Variants in PRKG1 observed in about 807,000 individuals in gnomAD.
The protein encoded by PRKG1 is cGMP-dependent protein kinase 1.
In PRKG1, 35 loss-of-function variants were observed where a neutral mutation model predicts 88.1. The ratio of observed to expected loss-of-function variants is 0.40; its 90% CI spans 0.30 to 0.53. The LOEUF is 0.53. Among genes scored for constraint, PRKG1 ranks in the 20% least tolerant of loss-of-function variants. PRKG1 has a pLI of 0.59. For missense variants in PRKG1, 540 were observed against 839.8 expected (o/e 0.64, Z 4.41); for synonymous variants, 303 against 292.5 (o/e 1.04, Z -0.37).
intron 1 of PRKG1, among the ~76,000 whole-genome samples, chr10:51,097,310 C>T (rs1844554321): frequency 1.3e-5 from 2 of 152,124 alleles, no homozygotes; most frequent in South Asian, 2.1e-4. Context: ...GCAACTTCCG[C>T]CCCCTGGGTT....
chr10:52,124,684 CTT>C (rs1279890009), intron 7 of PRKG1, among the ~76,000 whole-genome samples: 2 of 152,018 alleles, frequency 1.3e-5, no homozygotes, highest in African/African-American at 4.8e-5. Context: ...ACTTTATAAA[CTT>C]TTTAATTTCT....
intron 3 of PRKG1, among the ~76,000 whole-genome samples, chr10:51,488,789 G>C (rs2132865260): frequency 6.6e-6 from 1 of 152,138 alleles, no homozygotes; most frequent in African/African-American, 2.4e-5. Flanking sequence ...ATCTAGACTG[G>C]CTCTCTGCGT....
At chr10:51,782,667 C>T (rs1838622439) in intron 3 of PRKG1, among the ~76,000 whole-genome samples, 1 of 152,072 alleles carries the variant, frequency 6.6e-6, no homozygotes, top group African/African-American at 2.4e-5. Context: ...TGGTTTCCCT[C>T]ATACTGTTCT....
intron 2 of PRKG1, among the ~76,000 whole-genome samples, chr10:51,326,481 A>C (rs1841596219): frequency 1.3e-5 from 2 of 152,270 alleles, no homozygotes; most frequent in South Asian, 4.1e-4. Flanking sequence ...TCAATTCTGT[A>C]GTAAATTCTT....
At chr10:51,947,330 G>C (rs1843068445) in intron 5 of PRKG1, among the ~76,000 whole-genome samples, 1 of 152,146 alleles carries the variant, frequency 6.6e-6, no homozygotes. Context: ...CGCAGTATTG[G>C]GGTGGGAGTG....
At chr10:52,146,479 T>G (rs1436701636) in intron 8 of PRKG1, among the ~76,000 whole-genome samples, 1 of 152,270 alleles carries the variant, frequency 6.6e-6, no homozygotes, top group African/African-American at 2.4e-5. Flanking sequence ...CACAGCAAAC[T>G]TGCAAGGAAT....
rs201313752 is a variant in PRKG1, at chr10:51,699,145, G to C, written c.593-105440G>C. The C allele has an allele frequency of 4.4e-5, 71 of 1,614,172 alleles. 1 individual carries two copies. The Admixed American group carries it at 9.2e-4, about 21-fold the overall frequency. ...TCAGCTCAAACATCTGCTCCGGGGG[G>C]AGACTGGCTACTGCTCTGGTAATCG... On this transcript the variant is annotated intron_variant, in intron 3 of 17. Coordinates refer to ENST00000373980, the MANE Select transcript of PRKG1 (RefSeq NM_006258.4).
chr10:51,690,197 G>C (rs923987084), intron 3 of PRKG1, among the ~76,000 whole-genome samples: 1 of 152,092 alleles, frequency 6.6e-6, no homozygotes, highest in Non-Finnish European at 1.5e-5. Flanking sequence ...TCACTAATAA[G>C]AGGACAGTAC....
intron 3 of PRKG1, among the ~76,000 whole-genome samples, chr10:51,556,958 T>G (rs1190978717): frequency 6.8e-6 from 1 of 147,962 alleles, no homozygotes; most frequent in Non-Finnish European, 1.5e-5. Flanking sequence ...TTCATGGAAT[T>G]TAAATCTGTT....
intron 5 of PRKG1, among the ~76,000 whole-genome samples, chr10:51,982,185 CT>C (rs1844026976): frequency 6.6e-6 from 1 of 152,162 alleles, no homozygotes; most frequent in Admixed American, 6.5e-5. Flanking sequence ...CTTTTCTATA[CT>C]GGCTATTTTG....
At chr10:52,291,098 T>C (rs1235794827) in intron 17 of PRKG1, among the ~76,000 whole-genome samples, 3 of 151,652 alleles carry the variant, frequency 2.0e-5, no homozygotes, top group Admixed American at 2.0e-4. Flanking sequence ...AATTTTGGTA[T>C]TTTTAGTAGA....
At chr10:51,640,412 G>T (rs1022838233) in intron 3 of PRKG1, among the ~76,000 whole-genome samples, 2 of 152,044 alleles carry the variant, frequency 1.3e-5, no homozygotes, top group South Asian at 4.2e-4. Context: ...TTTCAATTTC[G>T]ATTTTCTCCT....
rs376841696 is a variant in PRKG1 at position 51,673,103 on chromosome 10, T to C, written c.593-131482T>C. Among the ~76,000 whole-genome samples, 36 of 152,296 alleles carry C rather than the reference T, an allele frequency of 2.4e-4. 1 individual carries two copies. In the South Asian group the frequency reaches 7.2e-3, roughly 31 times the overall value. ...GGTCAGTCCATGTTTACTACTCTAG[T>C]TTTATTCATTCTTTTGTTTAATAAA... On this transcript the variant is annotated intron_variant, in intron 3 of 17. Transcript: ENST00000373980.
intron 2 of PRKG1, among the ~76,000 whole-genome samples, chr10:51,437,998 T>C (rs936071900): frequency 2.0e-5 from 3 of 151,730 alleles, no homozygotes; most frequent in Non-Finnish European, 4.4e-5. Flanking sequence ...GAAACTATGG[T>C]TCTTGAGCCA....
chr10:51,463,219 A>G (rs1839791609), intron 2 of PRKG1, among the ~76,000 whole-genome samples: 1 of 152,220 alleles, frequency 6.6e-6, no homozygotes, highest in Admixed American at 6.5e-5. Context: ...AAAGAAATAG[A>G]TATCACATTA....
intron 1 of PRKG1, among the ~76,000 whole-genome samples, chr10:51,040,792 G>T (rs1041312113): frequency 2.0e-5 from 3 of 152,002 alleles, no homozygotes; most frequent in Non-Finnish European, 4.4e-5. Context: ...ACTGATTTTT[G>T]TATATTGGTT....
chr10:51,497,446 G>GA, intron 3 of PRKG1, among the ~76,000 whole-genome samples: 1 of 151,846 alleles, frequency 6.6e-6, no homozygotes, highest in Non-Finnish European at 1.5e-5. Context: ...TCTAGTGGGA[G>GA]AAAAAAAGAT....
chr10:51,051,901 A>C (rs1001581694), intron 1 of PRKG1, among the ~76,000 whole-genome samples: 4 of 152,170 alleles, frequency 2.6e-5, no homozygotes, highest in Non-Finnish European at 4.4e-5. Context: ...CCACAAGTAA[A>C]TATTAACCCT....
chr10:51,612,575 G>C (rs540311600), intron 3 of PRKG1, among the ~76,000 whole-genome samples: 23 of 152,036 alleles, frequency 1.5e-4, no homozygotes, highest in African/African-American at 5.5e-4. Flanking sequence ...TGTAAAGAGG[G>C]ACAATTTGAC....
Sources: gnomAD v4.1 joint callset for allele counts (sites outside exome capture counted in the v4.1 genomes callset) on GRCh38, gnomAD v4.1.1 for gene constraint, MANE v1.5 for transcripts, NCBI Gene and HGNC (gene_info 2026-07-23, HGNC 2026-07-21) for gene names.